Variants in MARCHF11 observed in about 807,000 individuals in gnomAD.
MARCHF11 encodes membrane associated ring-CH-type finger 11.
In MARCHF11, 29 loss-of-function variants were observed where a neutral mutation model predicts 37.3. That is an observed-to-expected ratio of 0.78 (90% CI 0.58 to 1.06). The LOEUF (loss-of-function observed/expected upper bound fraction) is 1.06. Ranked by LOEUF, MARCHF11 falls within the 50% of genes least tolerant of loss-of-function variation. MARCHF11 has a pLI of 0.00. For synonymous variants in MARCHF11, 233 were observed against 228.0 expected, an observed-to-expected ratio of 1.02 and a Z score of -0.20; for missense variants, 482 against 533.4, an observed-to-expected ratio of 0.90 and a Z score of 0.95.
chr5:16,100,190 T>C (rs1272985191), intron 2 of MARCHF11, among the ~76,000 whole-genome samples: 1 of 152,074 alleles, frequency 6.6e-6, no homozygotes, highest in East Asian at 1.9e-4. Flanking sequence ...AAACAGGCTG[T>C]CCCCTGGGAG....
In MARCHF11 at chr5:16,159,367, T is replaced by G. The variant is rs576835151; in HGVS notation, c.693+18359A>C. ...GCATTCCTTCTACCTTTTGCCACAC[T>G]TTCAAATAGTTCTTGGTGTATGAGT... On this transcript the variant is annotated intron_variant, in intron 2 of 3. Coordinates refer to ENST00000332432, the MANE Select transcript of MARCHF11 (RefSeq NM_001102562.3). Among the ~76,000 whole-genome samples, 4 of 152,016 alleles carry G rather than the reference T, an allele frequency of 2.6e-5. No individual in the cohort carries two copies. In the East Asian group the frequency reaches 7.8e-4, roughly 30 times the overall value.
chr5:16,092,738 GTAAAA>G (rs1376848455), intron 2 of MARCHF11, among the ~76,000 whole-genome samples: 1 of 152,058 alleles, frequency 6.6e-6, no homozygotes, highest in Non-Finnish European at 1.5e-5. Flanking sequence ...GAACTTAAAA[GTAAAA>G]TAAAATAAAA....
intron 2 of MARCHF11, among the ~76,000 whole-genome samples, chr5:16,176,629 A>G (rs1738369946): frequency 6.6e-6 from 1 of 152,200 alleles, no homozygotes; most frequent in East Asian, 1.9e-4. Context: ...AGATATGCAA[A>G]TTAATTGCAA....
At chr5:16,171,885 A>C (rs933261479) in intron 2 of MARCHF11, among the ~76,000 whole-genome samples, 1 of 152,196 alleles carries the variant, frequency 6.6e-6, no homozygotes, top group Non-Finnish European at 1.5e-5. Context: ...CTTCTACAGG[A>C]AGCTGTGTGG....
chr5:16,077,399 T>A (rs1035621157), intron 3 of MARCHF11, among the ~76,000 whole-genome samples: 2 of 152,182 alleles, frequency 1.3e-5, no homozygotes, highest in Non-Finnish European at 2.9e-5. Flanking sequence ...AAACCATACA[T>A]GTATTTGTTG....
intron 2 of MARCHF11, among the ~76,000 whole-genome samples, chr5:16,102,137 G>A (rs1457061362): frequency 1.3e-5 from 2 of 152,176 alleles, no homozygotes; most frequent in Non-Finnish European, 2.9e-5. Flanking sequence ...TTCCTTAATT[G>A]GGGTTCTGAG....
In MARCHF11 at chr5:16,138,088, T is replaced by A. The variant is rs1294501990; in HGVS notation, c.693+39638A>T. Among the ~76,000 whole-genome samples the A allele has an allele frequency of 3.9e-5, 6 of 152,174 alleles. No homozygotes were observed. The East Asian group carries it at 9.7e-4, about 24-fold the overall frequency. On this transcript the variant is annotated intron_variant, in intron 2 of 3. Transcript: ENST00000332432. ...TTCAAGCCAGCTGCAGAAATTTGCA[T>A]AAGTAACAAGGAGCCAAATGTTAAT...
Position 16,067,569 on chromosome 5 carries a change from A to G in MARCHF11, c.1111T>C (p.Tyr371His), listed in dbSNP as rs763758535. 6.2e-7 allele frequency: 1 copy of G among 1,613,992 alleles called. No homozygotes were observed. Among genetic ancestry groups the G allele is most frequent in the South Asian group, 1.1e-5 (1 of 91,080 alleles). Residue 371 changes from tyrosine to histidine, a missense_variant, in exon 4 of 4, where the codon TAT becomes CAT. Transcript: ENST00000332432. ...QLTSPRFQCGYVLLHLFNRMR... is the reference protein window; with the variant it reads ...QLTSPRFQCGHVLLHLFNRMR... ...CGATTGAACAGGTGCAATAACACAT[A>G]GCCACACTGAAACCTTGGTGAGGTT... is the stretch of plus-strand genomic sequence containing the variant.
Position 16,179,525 on chromosome 5 carries a change from G to T in MARCHF11, c.51C>A (p.Ser17Arg), listed in dbSNP as rs1738435624. Residue 17 changes from serine (S) to arginine (R), a missense_variant, in exon 1 of 4, where the codon AGC (serine) becomes AGA (arginine). Coordinates refer to ENST00000332432, the MANE Select transcript of MARCHF11 (RefSeq NM_001102562.3). ...HGGSRCRGAESGDAEPPPQPP... is the reference protein window; with the variant it reads ...HGGSRCRGAERGDAEPPPQPP... ...GTTGCGGGGGAGGCTCGGCGTCCCC[G>T]CTCTCCGCCCCGCGACACCGACTGC... 8.5e-7 allele frequency: 1 copy of T among 1,176,658 alleles called. No individual in the cohort carries two copies. Among genetic ancestry groups the T allele is most frequent in the Non-Finnish European group, 1.0e-6 (1 of 953,144 alleles). 72.9% of individuals were successfully genotyped at this position (1,176,658 alleles called of 1,614,324 possible). A position where few individuals can be genotyped will look rare whatever the true frequency, so the allele number is the denominator to read the frequency against.
rs987521611 is a variant in MARCHF11, at chr5:16,091,007, T to C, written c.768A>G (p.Ile256Met). ...IAVILGSLFLIASVTWLLWSA... is the reference protein window; with the variant it reads ...IAVILGSLFLMASVTWLLWSA... ...ACCAGAGGAGCCAAGTCACACTGGC[T>C]ATTAAGAACAGGGATCCTAGGATTA... The change falls in exon 3 of 4, where the codon ATA becomes ATG. Residue 256 changes from isoleucine (I) to methionine (M), a missense_variant. Coordinates refer to ENST00000332432, the MANE Select transcript of MARCHF11 (RefSeq NM_001102562.3). 1 of 1,611,906 alleles carries C rather than the reference T, an allele frequency of 6.2e-7. No homozygotes were observed. The highest frequency in any genetic ancestry group is 8.5e-7 in the Non-Finnish European group (1 of 1,179,168).
intron 3 of MARCHF11, among the ~76,000 whole-genome samples, chr5:16,071,855 C>T (rs560095160): frequency 6.6e-6 from 1 of 152,294 alleles, no homozygotes; most frequent in East Asian, 1.9e-4. Context: ...TATCAAGAAC[C>T]TATTCTGTGC....
At chr5:16,114,450 A>T (rs1737198400) in intron 2 of MARCHF11, among the ~76,000 whole-genome samples, 1 of 152,212 alleles carries the variant, frequency 6.6e-6, no homozygotes, top group African/African-American at 2.4e-5. Context: ...TCATTTTTGC[A>T]GAGATTATGT....
intron 3 of MARCHF11, among the ~76,000 whole-genome samples, chr5:16,067,998 A>G (rs1736377735): frequency 6.6e-6 from 1 of 152,242 alleles, no homozygotes; most frequent in African/African-American, 2.4e-5. Context: ...AAGAATGAGA[A>G]TACACTAATA....
At chr5:16,144,695 G>A (rs1179099793) in intron 2 of MARCHF11, among the ~76,000 whole-genome samples, 3 of 152,206 alleles carry the variant, frequency 2.0e-5, no homozygotes, top group African/African-American at 7.2e-5. Context: ...ATACCAAAAT[G>A]TATTAGCCAA....
chr5:16,091,835 A>G (rs1337567705), intron 2 of MARCHF11, among the ~76,000 whole-genome samples: 2 of 152,232 alleles, frequency 1.3e-5, no homozygotes, highest in African/African-American at 4.8e-5. Flanking sequence ...CAAATGATCA[A>G]AAATCCTTCA....
chr5:16,119,174 C>T (rs757828201), intron 2 of MARCHF11, among the ~76,000 whole-genome samples: 2 of 151,852 alleles, frequency 1.3e-5, no homozygotes, highest in Non-Finnish European at 2.9e-5. Flanking sequence ...ACCAGCCTGG[C>T]CAACATGGTG....
intron 2 of MARCHF11, among the ~76,000 whole-genome samples, chr5:16,148,272 T>C (rs576342114): frequency 6.6e-6 from 1 of 152,140 alleles, no homozygotes; most frequent in East Asian, 1.9e-4. Flanking sequence ...AAAGTACCTA[T>C]AATGTGTAAA....
chr5:16,165,276 T>G (rs2126606675), intron 2 of MARCHF11, among the ~76,000 whole-genome samples: 1 of 152,214 alleles, frequency 6.6e-6, no homozygotes, highest in Admixed American at 6.5e-5. Context: ...TTTAGAGTAG[T>G]TTTTTATTTA....
At chr5:16,146,819 G>C (rs1451088465) in intron 2 of MARCHF11, among the ~76,000 whole-genome samples, 3 of 152,072 alleles carry the variant, frequency 2.0e-5, no homozygotes, top group African/African-American at 7.2e-5. Context: ...AGATATACAG[G>C]ATGTAGCAGC....
Sources: allele counts gnomAD v4.1 joint callset (sites outside exome capture counted in the v4.1 genomes callset), GRCh38; gene constraint gnomAD v4.1.1; transcripts MANE v1.5; gene names NCBI Gene and HGNC (gene_info 2026-07-23, HGNC 2026-07-21).